Variants in MYCBP2 observed in about 807,000 individuals in gnomAD.
The protein encoded by MYCBP2 is MYC binding protein 2, also known as E3 ubiquitin-protein ligase MYCBP2.
In MYCBP2, 120 loss-of-function variants were observed where a neutral mutation model predicts 525.3. The observed-to-expected ratio is 0.23, with a 90% CI of 0.20 to 0.27. MYCBP2 has a LOEUF of 0.27. MYCBP2 is among the 10% of genes least tolerant of loss of function. The probability of loss-of-function intolerance (pLI) is 1.00; values close to 1 mark genes in which losing one functional copy is unlikely to be tolerated. For synonymous variants in MYCBP2, 1,894 were observed against 1,955.8 expected, an observed-to-expected ratio of 0.97 and a Z score of 0.83; for missense variants, 4,149 against 5,657.1, an observed-to-expected ratio of 0.73 and a Z score of 8.55.
Position 77,091,858 on chromosome 13 carries a change from C to T in MYCBP2, c.10367+1307G>A, listed in dbSNP as rs556704604. Among the ~76,000 whole-genome samples, 5 of 152,050 alleles carry T rather than the reference C, an allele frequency of 3.3e-5. No homozygotes were observed. The South Asian group carries it at 1.0e-3, about 32-fold the overall frequency. On this transcript the variant is annotated intron_variant, in intron 59 of 82. Coordinates refer to ENST00000544440, the MANE Select transcript of MYCBP2 (RefSeq NM_015057.5). Reference sequence around the variant, plus strand: ...TGCCTCAGCCTCCTGGATTTTGATCCTAAGGGGTAATAGTAACCCAATGAG... The same window carrying T: ...TGCCTCAGCCTCCTGGATTTTGATCTTAAGGGGTAATAGTAACCCAATGAG...
chr13:77,054,410 A>AT (rs150053649), intron 80 of MYCBP2, among the ~76,000 whole-genome samples: 8,075 of 152,218 alleles, frequency 0.053, 272 homozygotes, highest in East Asian at 0.11. Context: ...AGAAGTATTA[A>AT]TTAGCAGCAG....
At chr13:77,230,564 C>CTAAA (rs1229934884) in intron 18 of MYCBP2, among the ~76,000 whole-genome samples, 1 of 152,184 alleles carries the variant, frequency 6.6e-6, no homozygotes, top group African/African-American at 2.4e-5. Context: ...GGACCCAAGT[C>CTAAA]TAAACATGAA....
At position 77,081,606 on chromosome 13, in the gene MYCBP2, C is replaced by G. The variant is rs2043315241; in HGVS notation, c.11239G>C (p.Asp3747His). 2.5e-6 allele frequency: 4 copies of G among 1,613,666 alleles called. No individual in the cohort carries two copies. Among genetic ancestry groups the G allele is most frequent in the Non-Finnish European group, 3.4e-6 (4 of 1,179,870 alleles). ...GCAGGTCGGCTTGAAGTTTTTATGT[C>G]AACAATGCTGGTTAAGTCCTTTAAG... ...MCLKDLTSIV[D>H]IKTSSRPAMI... Residue 3747 changes from aspartate to histidine, a missense_variant, in exon 65 of 83, where the codon GAC (aspartate) becomes CAC (histidine). By Grantham distance (81) the Asp-to-His change is moderately conservative. Coordinates refer to ENST00000544440, the MANE Select transcript of MYCBP2 (RefSeq NM_015057.5). The surrounding 1 kb of genome is among the most constrained non-coding windows in gnomAD (Gnocchi z 4.6).
At chr13:77,118,727 CTA>C (rs2050199100) in intron 55 of MYCBP2, among the ~76,000 whole-genome samples, 1 of 151,612 alleles carries the variant, frequency 6.6e-6, no homozygotes, top group Non-Finnish European at 1.5e-5. Context: ...AGAAGCCCAC[CTA>C]TAAAAACAAA....
Position 77,205,402 on chromosome 13 carries a change from A to C in MYCBP2, c.3716-19T>G. The C allele has an allele frequency of 6.2e-7, 1 of 1,612,020 alleles. No individual in the cohort carries two copies. The highest frequency in any genetic ancestry group is 2.2e-5 in the East Asian group (1 of 44,834). On this transcript the variant is annotated intron_variant, in intron 25 of 82. Transcript: ENST00000544440. ...CCATGACCTAGAATATATAAATCAT[A>C]ATCTATGTTTTAAAAGATCCATATA...
rs533335791 is a variant in MYCBP2 at position 77,143,137 on chromosome 13, T to C, written c.7303+1308A>G. On this transcript the variant is annotated intron_variant, in intron 49 of 82. Transcript: ENST00000544440. The stretch of plus-strand genomic sequence containing the variant: ...ATTAATGCCTAAAACAAAAGAAATA[T>C]GTTTTTCAAAGTTAATGGTTGTGAT... Among the ~76,000 whole-genome samples the C allele has an allele frequency of 6.2e-4, 94 of 152,300 alleles. No individual in the cohort carries two copies. In the South Asian group the frequency reaches 9.1e-3, roughly 15 times the overall value.
At chr13:77,286,755 C>CAA (rs869038227) in intron 3 of MYCBP2, among the ~76,000 whole-genome samples, 1 of 11,364 alleles carries the variant, frequency 8.8e-5, no homozygotes, top group African/African-American at 4.6e-4. Flanking sequence ...GACTCCGTCT[C>CAA]AAAAAAAAAA....
chr13:77,193,276 A>C (rs1221804465), intron 27 of MYCBP2, among the ~76,000 whole-genome samples: 1 of 152,190 alleles, frequency 6.6e-6, no homozygotes, highest in Non-Finnish European at 1.5e-5. Context: ...AAAGGTTACT[A>C]AAAAAATCTT....
chr13:77,066,837 A>G (rs2040290218), intron 71 of MYCBP2, among the ~76,000 whole-genome samples: 1 of 150,216 alleles, frequency 6.7e-6, no homozygotes. Context: ...GTTTACTGGC[A>G]TTTATAAGTT....
intron 48 of MYCBP2, among the ~76,000 whole-genome samples, chr13:77,145,295 A>G (rs1474606957): frequency 6.6e-6 from 1 of 152,016 alleles, no homozygotes; most frequent in East Asian, 1.9e-4. Context: ...AACTCTTCCT[A>G]TCTTGAAATA....
At chr13:77,250,592 T>C (rs1021822224) in intron 15 of MYCBP2, among the ~76,000 whole-genome samples, 2 of 152,200 alleles carry the variant, frequency 1.3e-5, no homozygotes, top group Non-Finnish European at 2.9e-5. Flanking sequence ...CTGCCAAACT[T>C]ACATATTAAC....
intron 17 of MYCBP2, among the ~76,000 whole-genome samples, chr13:77,236,770 C>A (rs920410032): frequency 6.6e-6 from 1 of 152,012 alleles, no homozygotes; most frequent in Non-Finnish European, 1.5e-5. Context: ...GTGGCACATG[C>A]CTGTACAGTC....
At chr13:77,219,674 G>T (rs551689824) in intron 20 of MYCBP2, among the ~76,000 whole-genome samples, 2 of 152,062 alleles carry the variant, frequency 1.3e-5, no homozygotes, top group African/African-American at 4.8e-5. Context: ...AGGTTTGCAG[G>T]GTTGGTGGGC....
intron 52 of MYCBP2, among the ~76,000 whole-genome samples, chr13:77,131,968 T>C (rs2052952345): frequency 6.6e-6 from 1 of 152,176 alleles, no homozygotes; most frequent in Non-Finnish European, 1.5e-5. Flanking sequence ...TCTTTCCTTG[T>C]GTTAGATAAG....
In MYCBP2 at chr13:77,068,547, T is replaced by G. The variant is rs1414385561; in HGVS notation, c.12171+18A>C. The G allele has an allele frequency of 6.2e-7, 1 of 1,612,972 alleles. No individual in the cohort carries two copies. The highest frequency in any genetic ancestry group is 1.7e-5 in the Admixed American group (1 of 59,982). On this transcript the variant is annotated intron_variant, in intron 70 of 82. Coordinates refer to ENST00000544440, the MANE Select transcript of MYCBP2 (RefSeq NM_015057.5). ...CAAGTAACAAAAGCAATGGAAAGGCTGTAGTGTGATCAGTCACCTGTCTCT... is the reference window on the plus strand; with the variant it reads ...CAAGTAACAAAAGCAATGGAAAGGCGGTAGTGTGATCAGTCACCTGTCTCT...
intron 27 of MYCBP2, among the ~76,000 whole-genome samples, chr13:77,193,630 T>C (rs2061494873): frequency 1.3e-5 from 2 of 152,312 alleles, no homozygotes; most frequent in African/African-American, 4.8e-5. Flanking sequence ...TCTTACTTAA[T>C]GAACCTTCAT....
At chr13:77,146,007 A>G (rs2055476530) in intron 48 of MYCBP2, among the ~76,000 whole-genome samples, 155 bp downstream of exon 48, 1 of 152,018 alleles carries the variant, frequency 6.6e-6, no homozygotes, top group Admixed American at 6.6e-5. Context: ...TCTTTCTGCA[A>G]ATCTATACAT....
chr13:77,179,365 G>A (rs1595173895), intron 34 of MYCBP2, among the ~76,000 whole-genome samples: 1 of 152,098 alleles, frequency 6.6e-6, no homozygotes, highest in Non-Finnish European at 1.5e-5. Context: ...CCAATCTACT[G>A]TCTGTTTTTT....
rs138593208 is a variant in MYCBP2, at chr13:77,117,882, A to G, written c.8140+3491T>C. 9.5e-3 allele frequency among the ~76,000 whole-genome samples: 1,443 copies of G among 152,318 alleles called. 25 individuals carry two copies. Among genetic ancestry groups the G allele is most frequent in the African/African-American group, 0.032 (1,347 of 41,576 alleles). ...TGGAATCAAATGATCAATTTAACAT[A>G]TTAGGAACAACAACAAAAAAATAAA... On this transcript the variant is annotated intron_variant, in intron 55 of 82. Coordinates refer to ENST00000544440, the MANE Select transcript of MYCBP2 (RefSeq NM_015057.5).
Sources: allele counts gnomAD v4.1 joint callset (sites outside exome capture counted in the v4.1 genomes callset), GRCh38; gene constraint gnomAD v4.1.1; non-coding constraint Gnocchi (gnomAD v3.1); transcripts MANE v1.5; gene names NCBI Gene and HGNC (gene_info 2026-07-23, HGNC 2026-07-21).